Variants in CCDC91 observed in about 807,000 individuals in gnomAD.
CCDC91 encodes coiled-coil domain containing 91, also known as coiled-coil domain-containing protein 91.
In CCDC91, 48 loss-of-function variants were observed where a neutral mutation model predicts 63.2. The observed-to-expected ratio is 0.76, with a 90% CI of 0.60 to 0.97. The LOEUF (loss-of-function observed/expected upper bound fraction) is 0.97. Ranked by LOEUF, CCDC91 falls within the 50% of genes least tolerant of loss-of-function variation. CCDC91 has a pLI of 0.00. For synonymous variants in CCDC91, 167 were observed against 165.8 expected, an observed-to-expected ratio of 1.01 and a Z score of -0.06; for missense variants, 500 against 494.6, an observed-to-expected ratio of 1.01 and a Z score of -0.10.
intron 6 of CCDC91, among the ~76,000 whole-genome samples, chr12:28,317,574 T>C (rs1052441472): frequency 6.6e-6 from 1 of 152,028 alleles, no homozygotes; most frequent in Non-Finnish European, 1.5e-5. Context: ...AATGATTTTT[T>C]CAAGTAGTTT....
intron 12 of CCDC91, among the ~76,000 whole-genome samples, chr12:28,538,834 G>A (rs574473400): frequency 1.3e-5 from 2 of 152,152 alleles, no homozygotes; most frequent in Non-Finnish European, 2.9e-5. Context: ...TTGTGGTTTT[G>A]ATTTGCATTT....
chr12:28,482,996 G>C (rs1951528323), intron 11 of CCDC91, among the ~76,000 whole-genome samples: 1 of 151,888 alleles, frequency 6.6e-6, no homozygotes, highest in Non-Finnish European at 1.5e-5. Flanking sequence ...CTAGAGTTTA[G>C]AAAATAGTAT....
intron 6 of CCDC91, among the ~76,000 whole-genome samples, chr12:28,336,024 T>G (rs918111547): frequency 3.4e-4 from 52 of 151,702 alleles, no homozygotes; most frequent in African/African-American, 1.2e-3. Context: ...CGGAAATGAT[T>G]ATTGGTTTAT....
rs1403304629 is a variant in CCDC91 at position 28,385,340 on chromosome 12, C to A, written c.655-5964C>A. Among the ~76,000 whole-genome samples the A allele has an allele frequency of 2.0e-5, 3 of 152,072 alleles. No homozygotes were observed. The East Asian group carries it at 5.8e-4, about 29-fold the overall frequency. ...CTGTATGAAGGGACAAATAATCAGG[C>A]TTGCCTAAATCATGATTAATTTGTT... On this transcript the variant is annotated intron_variant, in intron 7 of 12. Transcript: ENST00000536442.
In CCDC91 at chr12:28,267,842, TAATTATATAG is replaced by T. The variant is rs1565700223; in HGVS notation, c.109+8401_109+8410del. On this transcript the variant is annotated intron_variant, in intron 3 of 12. Transcript: ENST00000536442. ...TATATTATTAATATATAATTATATATAATTATATAGTAATATATAATTATATATAATTATA... is the reference window on the plus strand; with the variant it reads ...TATATTATTAATATATAATTATATATTAATATATAATTATATATAATTATA... 1.5e-3 allele frequency among the ~76,000 whole-genome samples: 27 copies of T among 17,674 alleles called. 1 individual carries two copies. The highest frequency in any genetic ancestry group is 3.2e-3 in the Non-Finnish European group (24 of 7,518). The allele number at this position is 17,674 out of a possible 152,430, so 11.6% of individuals were successfully genotyped here.
chr12:28,465,466 C>T (rs2140523614), intron 11 of CCDC91, among the ~76,000 whole-genome samples: 1 of 152,236 alleles, frequency 6.6e-6, no homozygotes, highest in Non-Finnish European at 1.5e-5. Context: ...CTAGTTGGCT[C>T]AGAATAGAGA....
intron 7 of CCDC91, among the ~76,000 whole-genome samples, chr12:28,376,210 A>G (rs1057217965): frequency 2.0e-5 from 3 of 151,520 alleles, no homozygotes; most frequent in African/African-American, 7.3e-5. Context: ...AATGTATTCT[A>G]TTTTCTTTCA....
intron 12 of CCDC91, among the ~76,000 whole-genome samples, chr12:28,533,815 A>G (rs1281078550): frequency 6.6e-6 from 1 of 152,036 alleles, no homozygotes; most frequent in Non-Finnish European, 1.5e-5. Context: ...TTTTTCAAGC[A>G]TTATTTGAAA....
chr12:28,226,252 A>T (rs1944266698), intron 1 of CCDC91: 1 of 152,224 alleles, frequency 6.6e-6, no homozygotes, highest in Non-Finnish European at 1.5e-5. Flanking sequence ...GACTATTAAT[A>T]GATTGGAAAC....
At chr12:28,496,187 T>C (rs549677693) in intron 12 of CCDC91, among the ~76,000 whole-genome samples, 5 of 151,736 alleles carry the variant, frequency 3.3e-5, no homozygotes, top group African/African-American at 1.2e-4. Context: ...CTATGAACAA[T>C]AGCAAAAACT....
chr12:28,438,658 G>C (rs1949030095), intron 8 of CCDC91, among the ~76,000 whole-genome samples: 1 of 152,124 alleles, frequency 6.6e-6, no homozygotes, highest in Non-Finnish European at 1.5e-5. Context: ...CTTAATGACA[G>C]TTTGACTTAG....
intron 6 of CCDC91, among the ~76,000 whole-genome samples, chr12:28,359,782 C>CTTTCTTTTTTTTTTTTTTTTTTTTTT (rs1565853546): frequency 5.3e-5 from 8 of 152,088 alleles, no homozygotes; most frequent in African/African-American, 1.9e-4. Context: ...CAGAATATTT[C>CTTTCTTTTTTTTTTTTTTTTTTTTTT]TATTTACTTT....
At chr12:28,202,245 A>G (rs1275389306) in intron 1 of CCDC91, among the ~76,000 whole-genome samples, 1 of 152,210 alleles carries the variant, frequency 6.6e-6, no homozygotes, top group South Asian at 2.1e-4. Flanking sequence ...TCTTTGTCTC[A>G]TAAGTCCAAT....
chr12:28,487,537 C>G (rs988475058), intron 12 of CCDC91, among the ~76,000 whole-genome samples: 2 of 151,688 alleles, frequency 1.3e-5, no homozygotes, highest in Non-Finnish European at 3.0e-5. Flanking sequence ...TTGTCTGTTT[C>G]CAAAAGACTG....
chr12:28,316,074 T>G (rs1175182624), intron 6 of CCDC91, among the ~76,000 whole-genome samples: 1 of 151,974 alleles, frequency 6.6e-6, no homozygotes, highest in Admixed American at 6.6e-5. Flanking sequence ...CAGTTTCTTG[T>G]TATATCCTGC....
intron 11 of CCDC91, among the ~76,000 whole-genome samples, chr12:28,469,532 A>G (rs1164285715): frequency 1.3e-5 from 2 of 152,164 alleles, no homozygotes; most frequent in Non-Finnish European, 2.9e-5. Flanking sequence ...TGTGGATTTA[A>G]TATAATCTCT....
chr12:28,278,444 A>G (rs1948389090), intron 3 of CCDC91, among the ~76,000 whole-genome samples: 1 of 152,032 alleles, frequency 6.6e-6, no homozygotes, highest in African/African-American at 2.4e-5. Flanking sequence ...GCCTTGATCA[A>G]TATGTAACTT....
chr12:28,387,726 T>G (rs1945691317), intron 7 of CCDC91, among the ~76,000 whole-genome samples: 1 of 152,236 alleles, frequency 6.6e-6, no homozygotes, highest in South Asian at 2.1e-4. Flanking sequence ...AATTCATTCC[T>G]TTTTATGGCT....
intron 8 of CCDC91, among the ~76,000 whole-genome samples, chr12:28,393,144 A>T (rs1209401010): frequency 1.3e-5 from 2 of 151,880 alleles, no homozygotes; most frequent in East Asian, 3.9e-4. Flanking sequence ...TAGGTTTTTT[A>T]TTTTTCAGTA....
Sources: gnomAD v4.1 joint callset for allele counts (sites outside exome capture counted in the v4.1 genomes callset) on GRCh38, gnomAD v4.1.1 for gene constraint, MANE v1.5 for transcripts, NCBI Gene and HGNC (gene_info 2026-07-23, HGNC 2026-07-21) for gene names.